Variants in MYO1A observed in about 807,000 individuals in gnomAD.
The protein encoded by MYO1A is myosin IA, also known as unconventional myosin-Ia.
Under a neutral mutation model 138.5 loss-of-function variants are expected in MYO1A, and 127 were observed. The ratio of observed to expected loss-of-function variants is 0.92; its 90% CI spans 0.79 to 1.06. The LOEUF (loss-of-function observed/expected upper bound fraction) is 1.06, where lower values mean the gene tolerates loss of function less well. Ranked by LOEUF, MYO1A falls within the 50% of genes least tolerant of loss-of-function variation. The pLI is 0.00. For synonymous variants in MYO1A, 477 were observed against 497.5 expected (o/e 0.96, Z 0.55); for missense variants, 1,211 against 1,288.8 (o/e 0.94, Z 0.92).
chr12:57,032,551 C>T (rs1257844429), intron 22 of MYO1A, among the ~76,000 whole-genome samples: 1 of 152,148 alleles, frequency 6.6e-6, no homozygotes, highest in Non-Finnish European at 1.5e-5. Context: ...GGCATGGTGG[C>T]GCATGCCTGT....
At chr12:57,046,003 T>C (rs1465549367) in intron 8 of MYO1A, among the ~76,000 whole-genome samples, 1 of 152,212 alleles carries the variant, frequency 6.6e-6, no homozygotes, top group Non-Finnish European at 1.5e-5. Context: ...GAGGCTAGCA[T>C]AATATTTGAT....
intron 8 of MYO1A, among the ~76,000 whole-genome samples, chr12:57,044,958 C>A (rs1024024615): frequency 6.6e-6 from 1 of 152,202 alleles, no homozygotes; most frequent in Non-Finnish European, 1.5e-5. Flanking sequence ...GTTTGAACAC[C>A]AAACACCAAT....
At chr12:57,047,431 G>A (rs756983446) in intron 4 of MYO1A, 24 bp from the exon 5 acceptor site, 2 of 1,607,984 alleles carry the variant, frequency 1.2e-6, no homozygotes, top group Non-Finnish European at 1.7e-6. Context: ...ACGCTCTCAT[G>A]GGTCCCCACC....
At chr12:57,038,785 T>C (rs2030715098) in intron 16 of MYO1A, 24 bp downstream of exon 16, 1 of 1,613,804 alleles carries the variant, frequency 6.2e-7, no homozygotes, top group Non-Finnish European at 8.5e-7. Flanking sequence ...CCCTAATCTC[T>C]GCCCTCCAGC....
At position 57,039,003 on chromosome 12, in the gene MYO1A, G is replaced by A. The variant is rs553790660; in HGVS notation, c.1339C>T (p.Arg447Ter). 8.7e-6 allele frequency: 14 copies of A among 1,613,532 alleles called. No individual in the cohort carries two copies. In the East Asian group the frequency reaches 1.3e-4, roughly 15 times the overall value. ...IICKLIEHNQ[R>*]GILAMLDEEC... ...TCATCCAACATGGCCAGGATACCTC[G>A]CTGATTCTGGGCCGGGGGAACAAAA... The change falls in exon 16 of 28, where the codon CGA (arginine) becomes TGA (stop). Residue 447 changes from arginine (R) to a stop codon, truncating the protein, a stop_gained. Transcript: ENST00000300119. LOFTEE classifies it high-confidence loss of function.
intron 20 of MYO1A, 33 bp downstream of exon 20, chr12:57,036,909 G>C: frequency 6.2e-7 from 1 of 1,614,176 alleles, no homozygotes; most frequent in South Asian, 1.1e-5. Context: ...CCCTATTAGA[G>C]TGAACAGAGT....
chr12:57,036,398 A>G lies in MYO1A; in HGVS notation c.2275-17T>C. The G allele has an allele frequency of 6.2e-7, 1 of 1,613,332 alleles. No homozygotes were observed. The highest frequency in any genetic ancestry group is 8.5e-7 in the Non-Finnish European group (1 of 1,179,324). ...CTTTCGGGCCTGGCAGAAAAGTACA[A>G]GAAAGGAGCCAAAGTGAAGATAGGC... is the stretch of plus-strand genomic sequence containing the variant. On this transcript the variant is annotated splice_polypyrimidine_tract_variant and intron_variant, in intron 21 of 27. Coordinates refer to ENST00000300119, the MANE Select transcript of MYO1A (RefSeq NM_005379.4).
Position 57,029,780 on chromosome 12 carries a change from A to G in MYO1A, c.2684T>C (p.Met895Thr), listed in dbSNP as rs148582008. Residue 895 changes from methionine (M) to threonine (T), a missense_variant, in exon 25 of 28, where the codon ATG (methionine) becomes ACG (threonine). By Grantham distance (81) the Met-to-Thr change is moderately conservative (BLOSUM62 -1). Coordinates refer to ENST00000300119, the MANE Select transcript of MYO1A (RefSeq NM_005379.4). ...ATTGACCTTCTTCACGGCCTCTGCC[A>G]TCAGAACAGGCCCCTCCTCCCCGCC... ...LKGGEEGPVLMAEAVKKVNRG... is the reference protein window; with the variant it reads ...LKGGEEGPVLTAEAVKKVNRG... The G allele has an allele frequency of 1.4e-4, 226 of 1,614,174 alleles. No individual in the cohort carries two copies. Among genetic ancestry groups the G allele is most frequent in the Non-Finnish European group, 1.5e-4 (177 of 1,180,018 alleles).
At chr12:57,044,686 C>T (rs1478953412) in intron 8 of MYO1A, among the ~76,000 whole-genome samples, 1 of 152,198 alleles carries the variant, frequency 6.6e-6, no homozygotes, top group Non-Finnish European at 1.5e-5. Flanking sequence ...CTCGGCCTAA[C>T]AGACTAAATT....
Position 57,043,229 on chromosome 12 carries a change from G to A in MYO1A, c.1011+11C>T. 2 of 1,613,956 alleles carry A rather than the reference G, an allele frequency of 1.2e-6. No homozygotes were observed. Among genetic ancestry groups the A allele is most frequent in the Non-Finnish European group, 1.7e-6 (2 of 1,179,816 alleles). On this transcript the variant is annotated intron_variant, in intron 11 of 27. Coordinates refer to ENST00000300119, the MANE Select transcript of MYO1A (RefSeq NM_005379.4). The stretch of plus-strand genomic sequence containing the variant: ...TCGAAACAGCCCCCTCCACTCCAGT[G>A]AGCTCCTTACCTGCATAACATTCAG...
intron 12 of MYO1A, among the ~76,000 whole-genome samples, chr12:57,042,412 C>T (rs2030898028): frequency 6.6e-6 from 1 of 152,162 alleles, no homozygotes; most frequent in Admixed American, 6.5e-5. Flanking sequence ...GCTGTTTCTA[C>T]TTTTTGGCTA....
intron 4 of MYO1A, 79 bp from the exon 5 acceptor site, chr12:57,047,486 G>C (rs953557258): frequency 1.3e-6 from 2 of 1,506,500 alleles, no homozygotes; most frequent in Non-Finnish European, 1.8e-6. Context: ...CTTCACCCCA[G>C]TGCCTCACCA....
chr12:57,039,530 G>A (rs543139020), intron 14 of MYO1A: 9 of 499,964 alleles, frequency 1.8e-5, no homozygotes, highest in South Asian at 1.6e-4. Flanking sequence ...ATCCCTGTAG[G>A]TGGTGTAGGG....
intron 8 of MYO1A, among the ~76,000 whole-genome samples, chr12:57,044,614 C>G (rs1246348593): frequency 6.6e-6 from 1 of 152,128 alleles, no homozygotes; most frequent in East Asian, 1.9e-4. Flanking sequence ...GTCTTGACTC[C>G]TGCACTCAAG....
At chr12:57,048,391 C>A (rs1414140399) in intron 1 of MYO1A, 48 bp from the exon 2 acceptor site, 3 of 1,124,134 alleles carry the variant, frequency 2.7e-6, no homozygotes, top group Non-Finnish European at 4.0e-6. Context: ...GCTTTAGGGG[C>A]CAGTAACTGT....
At chr12:57,030,108 G>T in intron 24 of MYO1A, 102 bp downstream of exon 24, 1 of 1,271,946 alleles carries the variant, frequency 7.9e-7, no homozygotes, top group Non-Finnish European at 1.1e-6. Context: ...GAGGGACACA[G>T]CACCTGGGGG....
chr12:57,047,464 C>T, intron 4 of MYO1A, 57 bp from the exon 5 acceptor site: 2 of 1,563,594 alleles, frequency 1.3e-6, no homozygotes, highest in Admixed American at 1.7e-5. Flanking sequence ...ATCCCCCCAC[C>T]TCCTTAACTT....
intron 12 of MYO1A, 42 bp from the exon 13 acceptor site, chr12:57,041,539 T>C: frequency 6.5e-7 from 1 of 1,542,592 alleles, no homozygotes; most frequent in African/African-American, 1.4e-5. Flanking sequence ...AGGCCCCCTC[T>C]GCACACCAGG....
intron 21 of MYO1A, 102 bp downstream of exon 21, chr12:57,036,670 C>T (rs1020571843): frequency 2.6e-5 from 36 of 1,389,782 alleles, no homozygotes; most frequent in African/African-American, 1.6e-4. Flanking sequence ...CACAGAGGTG[C>T]GGCCTGGGTG....
Sources: gnomAD v4.1 joint callset for allele counts (sites outside exome capture counted in the v4.1 genomes callset) on GRCh38, gnomAD v4.1.1 for gene constraint, MANE v1.5 for transcripts, NCBI Gene and HGNC (gene_info 2026-07-23, HGNC 2026-07-21) for gene names.